Variants in TAS2R1 observed in about 807,000 individuals in gnomAD.
The protein encoded by TAS2R1 is taste receptor type 2 member 1.
For missense variants in TAS2R1, 370 were observed against 353.4 expected (o/e 1.05, Z -0.38); for synonymous variants, 141 against 134.2 (o/e 1.05, Z -0.35).
the TAS2R1 span, among the ~76,000 whole-genome samples, chr5:9,877,624 G>A: frequency 0.019 from 2,903 of 152,264 alleles, 79 homozygotes; most frequent in African/African-American, 0.063. Flanking sequence ...GGGCTTCCTG[G>A]CCCATGCCAT....
chr5:9,891,269 T>G, the TAS2R1 span, among the ~76,000 whole-genome samples: 41 of 152,190 alleles, frequency 2.7e-4, no homozygotes, highest in Admixed American at 6.5e-5. Flanking sequence ...AAGCAGGACG[T>G]TAAAGAGCTA....
the TAS2R1 span, among the ~76,000 whole-genome samples, chr5:9,855,311 C>T: frequency 3.3e-5 from 5 of 152,302 alleles, no homozygotes; most frequent in South Asian, 4.1e-4. Flanking sequence ...AGGGAAAATC[C>T]GGCCAGGATA....
At chr5:9,756,250 C>T in the TAS2R1 span, among the ~76,000 whole-genome samples, 642 of 152,264 alleles carry the variant, frequency 4.2e-3, 5 homozygotes, top group African/African-American at 0.015. Flanking sequence ...CGAGAGCCTT[C>T]AGGGAAGCAT....
chr5:9,760,678 T>C, the TAS2R1 span, among the ~76,000 whole-genome samples: 2 of 152,140 alleles, frequency 1.3e-5, no homozygotes, highest in Non-Finnish European at 2.9e-5. Flanking sequence ...ACAAAAAGGA[T>C]AAAGGAAGCT....
the TAS2R1 span, among the ~76,000 whole-genome samples, chr5:9,813,160 C>A: frequency 6.6e-6 from 1 of 151,822 alleles, no homozygotes; most frequent in Non-Finnish European, 1.5e-5. Flanking sequence ...ACAGAGATAC[C>A]CATAGAGAGA....
chr5:9,882,182 T>C, the TAS2R1 span, among the ~76,000 whole-genome samples: 2 of 152,158 alleles, frequency 1.3e-5, no homozygotes, highest in Non-Finnish European at 2.9e-5. Flanking sequence ...CATTAAAAAG[T>C]GGCCAAAGGA....
At chr5:9,896,641 T>C in the TAS2R1 span, among the ~76,000 whole-genome samples, 2 of 152,206 alleles carry the variant, frequency 1.3e-5, no homozygotes, top group Non-Finnish European at 2.9e-5. Flanking sequence ...CTTTACTTTG[T>C]GCCCCAAAAA....
the TAS2R1 span, among the ~76,000 whole-genome samples, chr5:9,902,296 G>C: frequency 3.9e-5 from 6 of 152,004 alleles, no homozygotes; most frequent in African/African-American, 9.7e-5. Flanking sequence ...CCACACTGTG[G>C]ACATGTTCTA....
At chr5:9,766,115 A>C in the TAS2R1 span, among the ~76,000 whole-genome samples, 5 of 152,230 alleles carry the variant, frequency 3.3e-5, no homozygotes, top group African/African-American at 1.2e-4. Context: ...ACAAAGCCAA[A>C]GATCTTGTAA....
At chr5:9,901,464 G>C in the TAS2R1 span, among the ~76,000 whole-genome samples, 5 of 152,038 alleles carry the variant, frequency 3.3e-5, no homozygotes, top group African/African-American at 1.2e-4. Flanking sequence ...GGGGACAGTA[G>C]AAGCCAGGAA....
At chr5:9,763,195 A>G in the TAS2R1 span, among the ~76,000 whole-genome samples, 1 of 152,196 alleles carries the variant, frequency 6.6e-6, no homozygotes, top group African/African-American at 2.4e-5. Flanking sequence ...TTGCAAAAAA[A>G]GGGGAAGCTG....
chr5:9,770,056 A>G, the TAS2R1 span, among the ~76,000 whole-genome samples: 1 of 152,134 alleles, frequency 6.6e-6, no homozygotes, highest in African/African-American at 2.4e-5. Context: ...TGGGTATTAA[A>G]TTTAAGTCTT....
At chr5:9,659,522 G>C (rs562545292) in exon 2 of TAS2R1, 1 of 151,664 alleles carries the variant, frequency 6.6e-6, no homozygotes, top group African/African-American at 2.4e-5. Context: ...GATGGCCCAC[G>C]CTGGTGGCAA....
the TAS2R1 span, among the ~76,000 whole-genome samples, chr5:9,886,549 G>T: frequency 2.6e-5 from 4 of 151,602 alleles, no homozygotes; most frequent in Admixed American, 6.6e-5. Context: ...GACCAGGCTG[G>T]TCTCCAACTC....
intron 1 of TAS2R1, among the ~76,000 whole-genome samples, chr5:9,678,491 T>C (rs866099125): frequency 1.3e-5 from 2 of 152,166 alleles, no homozygotes; most frequent in African/African-American, 2.4e-5. Flanking sequence ...CATATGTTCA[T>C]TGCAGCACTA....
At chr5:9,856,885 G>A in the TAS2R1 span, among the ~76,000 whole-genome samples, 1 of 152,120 alleles carries the variant, frequency 6.6e-6, no homozygotes, top group Non-Finnish European at 1.5e-5. Context: ...ATAAATCTAA[G>A]TATCCATCAA....
upstream of TAS2R1, among the ~76,000 whole-genome samples, chr5:9,713,548 G>A (rs1421981700): frequency 6.6e-6 from 1 of 152,178 alleles, no homozygotes; most frequent in South Asian, 2.1e-4. Flanking sequence ...TTGCTGAAAT[G>A]TGATGAGGAG....
chr5:9,671,311 T>C (rs1740749801), intron 1 of TAS2R1, among the ~76,000 whole-genome samples: 1 of 151,822 alleles, frequency 6.6e-6, no homozygotes, highest in South Asian at 2.1e-4. Context: ...GCAAGAGAAA[T>C]AAAGAAAAGC....
the TAS2R1 span, among the ~76,000 whole-genome samples, chr5:9,756,721 TA>T: frequency 1.3e-5 from 2 of 152,216 alleles, no homozygotes; most frequent in South Asian, 4.1e-4. Context: ...ATTTTTATTT[TA>T]TTTTTTCTAA....
Sources: gnomAD v4.1 joint callset for allele counts (sites outside exome capture counted in the v4.1 genomes callset) on GRCh38, gnomAD v4.1.1 for gene constraint, MANE v1.5 for transcripts, NCBI Gene and HGNC (gene_info 2026-07-23, HGNC 2026-07-21) for gene names.